TENM3: variants seen among roughly 807,000 people sequenced by gnomAD.
The protein encoded by TENM3 is teneurin transmembrane protein 3, also known as teneurin-3.
In TENM3, 63 loss-of-function variants were observed where a neutral mutation model predicts 255.1. The observed-to-expected ratio is 0.25, with a 90% CI of 0.20 to 0.30. The LOEUF (loss-of-function observed/expected upper bound fraction) is 0.30, where lower values mean the gene tolerates loss of function less well. Ranked by LOEUF, TENM3 falls within the 10% of genes least tolerant of loss-of-function variation. The pLI, the probability that TENM3 is intolerant of heterozygous loss-of-function variation, is 1.00. For missense variants in TENM3, 2,929 were observed against 3,461.1 expected (o/e 0.85, Z 3.86); for synonymous variants, 1,306 against 1,322.3 (o/e 0.99, Z 0.27).
intron 1 of TENM3, among the ~76,000 whole-genome samples, chr4:182,299,830 G>T (rs189830178): frequency 6.6e-6 from 1 of 151,928 alleles, no homozygotes; most frequent in Admixed American, 6.6e-5. Flanking sequence ...ATTAGGATGT[G>T]CCTTCCATTA....
chr4:181,871,786 G>C, the TENM3 span, among the ~76,000 whole-genome samples: 3 of 152,018 alleles, frequency 2.0e-5, no homozygotes, highest in Non-Finnish European at 4.4e-5. Flanking sequence ...GTTCAGTTTT[G>C]TCAAAAGCTT....
chr4:182,102,885 C>G, the TENM3 span, among the ~76,000 whole-genome samples: 8 of 152,260 alleles, frequency 5.3e-5, no homozygotes, highest in South Asian at 1.7e-3. Flanking sequence ...AGGAGTGCAT[C>G]TGGCATTCAG....
chr4:182,742,497 G>T (rs2152733803), intron 18 of TENM3, among the ~76,000 whole-genome samples: 1 of 152,352 alleles, frequency 6.6e-6, no homozygotes, highest in Non-Finnish European at 1.5e-5. Flanking sequence ...AGGATAGGTA[G>T]AGTTAAAATA....
At chr4:182,397,499 T>C (rs1580409500) in intron 3 of TENM3, among the ~76,000 whole-genome samples, 3 of 149,998 alleles carry the variant, frequency 2.0e-5, no homozygotes, top group Admixed American at 6.7e-5. Flanking sequence ...GACAGCATAA[T>C]TGAGCACTCA....
At chr4:181,733,560 A>G in the TENM3 span, among the ~76,000 whole-genome samples, 1 of 152,162 alleles carries the variant, frequency 6.6e-6, no homozygotes, top group Non-Finnish European at 1.5e-5. Context: ...CCATATCAAG[A>G]CTGTCTCCAG....
intron 3 of TENM3, among the ~76,000 whole-genome samples, chr4:182,472,451 A>G (rs1203280350): frequency 2.0e-5 from 3 of 152,106 alleles, no homozygotes; most frequent in African/African-American, 7.2e-5. Context: ...GATTTTTACT[A>G]TTTAAAACTT....
At chr4:181,915,491 GAGA>G in the TENM3 span, among the ~76,000 whole-genome samples, 1 of 152,076 alleles carries the variant, frequency 6.6e-6, no homozygotes, top group African/African-American at 2.4e-5. Flanking sequence ...ACTATTCCAT[GAGA>G]AGAATATTAT....
intron 3 of TENM3, among the ~76,000 whole-genome samples, chr4:182,590,318 A>G (rs1342161555): frequency 6.6e-6 from 1 of 151,872 alleles, no homozygotes; most frequent in Non-Finnish European, 1.5e-5. Context: ...GTTGAGACCT[A>G]CCTAGTCTTC....
At chr4:181,982,213 C>T in the TENM3 span, among the ~76,000 whole-genome samples, 23 of 152,026 alleles carry the variant, frequency 1.5e-4, no homozygotes, top group Admixed American at 1.3e-3. Flanking sequence ...TTCAGCGGCG[C>T]GATTAAGCAG....
the TENM3 span, among the ~76,000 whole-genome samples, chr4:181,832,726 T>A: frequency 1.3e-5 from 2 of 152,210 alleles, no homozygotes; most frequent in Non-Finnish European, 2.9e-5. Flanking sequence ...AGTCACTCGC[T>A]ATTGGGATGG....
At chr4:182,323,135 A>G (rs1763162939) in intron 1 of TENM3, among the ~76,000 whole-genome samples, 1 of 151,972 alleles carries the variant, frequency 6.6e-6, no homozygotes, top group African/African-American at 2.4e-5. Context: ...CACCCTTTCC[A>G]CTGTCAGTTC....
At chr4:182,745,757 A>T (rs2152740006) in intron 19 of TENM3, among the ~76,000 whole-genome samples, 1 of 152,176 alleles carries the variant, frequency 6.6e-6, no homozygotes, top group South Asian at 2.1e-4. Context: ...GGTATGCAAA[A>T]AGCAAGACTT....
chr4:182,715,865 C>A (rs577722208), intron 13 of TENM3, among the ~76,000 whole-genome samples: 4 of 152,180 alleles, frequency 2.6e-5, no homozygotes. Context: ...GCAATTCTCT[C>A]CTTTAGTTTC....
At chr4:182,504,009 A>G (rs1015545805) in intron 3 of TENM3, among the ~76,000 whole-genome samples, 1 of 139,946 alleles carries the variant, frequency 7.1e-6, no homozygotes, top group African/African-American at 2.5e-5. Context: ...TCTAATTTAC[A>G]TATATATATA....
chr4:181,522,398 TG>T, the TENM3 span, among the ~76,000 whole-genome samples: 1 of 152,188 alleles, frequency 6.6e-6, no homozygotes, highest in Non-Finnish European at 1.5e-5. Flanking sequence ...AAAATCATTC[TG>T]TTACACCCTG....
At chr4:181,927,236 C>T in the TENM3 span, among the ~76,000 whole-genome samples, 1 of 152,192 alleles carries the variant, frequency 6.6e-6, no homozygotes, top group Non-Finnish European at 1.5e-5. Flanking sequence ...CCAGCGGATC[C>T]CACCCTCACG....
intron 16 of TENM3, among the ~76,000 whole-genome samples, chr4:182,733,458 A>G (rs1051963442): frequency 6.6e-6 from 1 of 151,510 alleles, no homozygotes; most frequent in Admixed American, 6.6e-5. Flanking sequence ...GAGGCCAGTT[A>G]GGAGGCAACC....
the TENM3 span, among the ~76,000 whole-genome samples, chr4:181,974,498 G>A: frequency 6.6e-6 from 1 of 152,086 alleles, no homozygotes; most frequent in Non-Finnish European, 1.5e-5. Context: ...AACCCAGGAG[G>A]AGGAGGTTGC....
At chr4:182,672,945 T>G in intron 6 of TENM3, 60 bp from the exon 7 acceptor site, 1 of 1,279,842 alleles carries the variant, frequency 7.8e-7, no homozygotes, top group East Asian at 2.6e-5. Context: ...TTTAAAAACC[T>G]TTTTTGTTTT....
Sources: gnomAD v4.1 joint callset for allele counts (sites outside exome capture counted in the v4.1 genomes callset) on GRCh38, gnomAD v4.1.1 for gene constraint, MANE v1.5 for transcripts, NCBI Gene and HGNC (gene_info 2026-07-23, HGNC 2026-07-21) for gene names.